The following ABCA4 variants were observed in gnomAD, a reference collection of about 807,000 sequenced individuals.
ABCA4 encodes ATP binding cassette subfamily A member 4.
In ABCA4, 196 loss-of-function variants were observed where a neutral mutation model predicts 263.7. The ratio of observed to expected loss-of-function variants is 0.74; its 90% confidence interval spans 0.66 to 0.84. ABCA4 has a LOEUF of 0.84. Ranked by LOEUF, ABCA4 falls within the 40% of genes least tolerant of loss-of-function variation. The pLI, the probability that ABCA4 is intolerant of heterozygous loss-of-function variation, is 0.00. For synonymous variants in ABCA4, 1,133 were observed against 1,094.2 expected (o/e 1.04, Z -0.70); for missense variants, 2,792 against 2,855.1 (o/e 0.98, Z 0.50).
intron 4 of ABCA4, 150 bp from the exon 5 acceptor site, chr1:94,103,292 T>A: frequency 1.0e-6 from 1 of 993,966 alleles, no homozygotes; most frequent in Non-Finnish European, 1.5e-6. Context: ...GAGGTGAGGC[T>A]CTTGCCAGTG....
chr1:94,105,403 G>A (rs1407404430), intron 4 of ABCA4, among the ~76,000 whole-genome samples: 2 of 152,160 alleles, frequency 1.3e-5, no homozygotes, highest in Admixed American at 6.5e-5. Context: ...CAGGAGACAG[G>A]GCTGCTGTGG....
Position 94,055,180 on chromosome 1 carries a change from T to G in ABCA4, c.2518A>C (p.Met840Leu), listed in dbSNP as rs1469199783. The change falls in exon 16 of 50, where the codon ATG becomes CTG. Residue 840 changes from methionine (M) to leucine (L), a missense_variant. Physicochemically the swap from Met to Leu is conservative, Grantham distance 15. Transcript: ENST00000370225. ...GCAGCATCAAGGAGCATCATCTGCA[T>G]GGACAGCAGGAAGCTGAATTCGTCC... is the stretch of plus-strand genomic sequence containing the variant. ...EGDEFSFLLS[M>L]QMMLLDAAVY... 6.2e-7 allele frequency: 1 copy of G among 1,614,160 alleles called. No individual in the cohort carries two copies. Among genetic ancestry groups the G allele is most frequent in the Non-Finnish European group, 8.5e-7 (1 of 1,180,014 alleles).
At chr1:94,048,404 T>C (rs1660744556) in intron 18 of ABCA4, among the ~76,000 whole-genome samples, 1 of 152,260 alleles carries the variant, frequency 6.6e-6, no homozygotes, top group Non-Finnish European at 1.5e-5. Flanking sequence ...AGGCTTCTGA[T>C]GGTTTCAATG....
intron 25 of ABCA4, 86 bp downstream of exon 25, chr1:94,037,059 T>C: frequency 3.5e-6 from 5 of 1,444,772 alleles, no homozygotes; most frequent in Non-Finnish European, 2.9e-6. Context: ...TTTTTGCTTT[T>C]ACAAAACTTT....
At chr1:94,030,938 C>T in intron 28 of ABCA4, 58 bp downstream of exon 28, 1 of 1,611,872 alleles carries the variant, frequency 6.2e-7, no homozygotes, top group Non-Finnish European at 8.5e-7. Context: ...TTCTAAGCAG[C>T]ATGTGACCCA....
In ABCA4 at chr1:94,080,496, A is replaced by G; in HGVS notation, c.1081T>C (p.Ser361Pro). ...AACTTACTTGTTCTTCTGTCATAAGAATAGATAGGATCCTTCCTTGTGGAG... is the reference window on the plus strand; with the variant it reads ...AACTTACTTGTTCTTCTGTCATAAGGATAGATAGGATCCTTCCTTGTGGAG... ...IDSTRKDPIYSYDRRTTSFCN... is the reference protein window; with the variant it reads ...IDSTRKDPIYPYDRRTTSFCN... Residue 361 changes from serine (S) to proline (P), a missense_variant, in exon 8 of 50, where the codon TCT (serine) becomes CCT (proline). By Grantham distance (74) the Ser-to-Pro change is moderately conservative. Coordinates refer to ENST00000370225, the MANE Select transcript of ABCA4 (RefSeq NM_000350.3). The G allele has an allele frequency of 6.2e-7, 1 of 1,614,212 alleles. No homozygotes were observed. The highest frequency in any genetic ancestry group is 8.5e-7 in the Non-Finnish European group (1 of 1,180,034).
At chr1:94,062,442 C>T in intron 13 of ABCA4, 135 bp downstream of exon 13, 1 of 1,014,290 alleles carries the variant, frequency 9.9e-7, no homozygotes, top group Non-Finnish European at 1.5e-6. Context: ...GAGCTCCATG[C>T]TCTCCAATTT....
chr1:94,062,856 T>C (rs1049670839), intron 12 of ABCA4, 103 bp from the exon 13 acceptor site: 79 of 1,301,500 alleles, frequency 6.1e-5, no homozygotes, highest in Non-Finnish European at 8.4e-5. Flanking sequence ...AAAATCTTTC[T>C]CCTAAACGCT....
At chr1:94,102,819 G>A (rs1194920472) in intron 5 of ABCA4, among the ~76,000 whole-genome samples, 196 bp downstream of exon 5, 1 of 152,200 alleles carries the variant, frequency 6.6e-6, no homozygotes, top group Non-Finnish European at 1.5e-5. Context: ...GATGTGTACA[G>A]CTTCGAATCC....
At chr1:94,058,298 G>A (rs1007835860) in intron 14 of ABCA4, among the ~76,000 whole-genome samples, 1 of 152,218 alleles carries the variant, frequency 6.6e-6, no homozygotes, top group Non-Finnish European at 1.5e-5. Context: ...GAACATGTGG[G>A]TTTTGGATGG....
chr1:94,056,831 A>G lies in ABCA4; in HGVS notation c.2161-9T>C. ...TGTAGGATTCTTCCATGCTGAAACCAAGAGGCCATGCGTCAGTAACTCCTG... is the reference window on the plus strand; with the variant it reads ...TGTAGGATTCTTCCATGCTGAAACCGAGAGGCCATGCGTCAGTAACTCCTG... On this transcript the variant is annotated splice_polypyrimidine_tract_variant and intron_variant, in intron 14 of 49. Coordinates refer to ENST00000370225, the MANE Select transcript of ABCA4 (RefSeq NM_000350.3). The G allele has an allele frequency of 6.3e-7, 1 of 1,588,206 alleles. No homozygotes were observed. The highest frequency in any genetic ancestry group is 8.6e-7 in the Non-Finnish European group (1 of 1,166,538).
chr1:94,044,514 T>G (rs541720457), intron 20 of ABCA4, 99 bp downstream of exon 20: 1 of 1,567,954 alleles, frequency 6.4e-7, no homozygotes, highest in South Asian at 1.1e-5. Flanking sequence ...TCTCTGCCTG[T>G]GCCCAGGCCT....
intron 1 of ABCA4, 73 bp downstream of exon 1, chr1:94,120,905 ACC>A (rs2101190921): frequency 6.1e-5 from 9 of 146,880 alleles, no homozygotes; most frequent in East Asian, 1.7e-4. Flanking sequence ...ACCCTACCCC[ACC>A]ACCCCACCCC....
chr1:94,070,458 G>A (rs1661373281), intron 11 of ABCA4, among the ~76,000 whole-genome samples: 1 of 152,090 alleles, frequency 6.6e-6, no homozygotes, highest in East Asian at 1.9e-4. Flanking sequence ...CCTTCCTCCT[G>A]CCTGAAATTG....
At chr1:94,010,772 A>G in intron 40 of ABCA4, 28 bp downstream of exon 40, 1 of 1,614,096 alleles carries the variant, frequency 6.2e-7, no homozygotes, top group Admixed American at 1.7e-5. Flanking sequence ...TGAGCTGCCC[A>G]CTGGCCCAGG....
At chr1:94,049,039 G>A in intron 17 of ABCA4, 82 bp from the exon 18 acceptor site, 1 of 1,396,574 alleles carries the variant, frequency 7.2e-7, no homozygotes, top group Non-Finnish European at 1.0e-6. Flanking sequence ...AGAGGTACAG[G>A]GAGCAAATGA....
intron 47 of ABCA4, 117 bp from the exon 48 acceptor site, chr1:93,998,227 A>C: frequency 7.1e-7 from 1 of 1,411,998 alleles, no homozygotes; most frequent in Non-Finnish European, 9.9e-7. Context: ...TTGGTGGCTC[A>C]CACCTGAAAT....
intron 1 of ABCA4, 119 bp from the exon 2 acceptor site, chr1:94,113,185 G>A: frequency 2.2e-6 from 2 of 925,502 alleles, no homozygotes; most frequent in East Asian, 2.6e-5. Flanking sequence ...TTTGGTTGTG[G>A]TATCTTTACC....
At position 94,004,026 on chromosome 1, in the gene ABCA4, C is replaced by T. The variant is rs149753560; in HGVS notation, c.6147+1415G>A. On this transcript the variant is annotated intron_variant, in intron 44 of 49. Transcript: ENST00000370225. ...TACCTATGCCATTCCAGCCCTGGAACTTATCATTTATTGGAGGAATCAGGG... is the reference window on the plus strand; with the variant it reads ...TACCTATGCCATTCCAGCCCTGGAATTTATCATTTATTGGAGGAATCAGGG... Among the ~76,000 whole-genome samples the T allele has an allele frequency of 3.0e-3, 455 of 152,236 alleles. 5 individuals are homozygous for T. The highest frequency in any genetic ancestry group is 0.01 in the African/African-American group (436 of 41,544).
Sources: allele counts gnomAD v4.1 joint callset (sites outside exome capture counted in the v4.1 genomes callset), GRCh38; gene constraint gnomAD v4.1.1; transcripts MANE v1.5; gene names NCBI Gene and HGNC (gene_info 2026-07-23, HGNC 2026-07-21).